Variants in GPSM1 observed in about 807,000 individuals in gnomAD.
GPSM1 encodes the protein G protein-signaling modulator 1.
A neutral mutation model predicts 70.5 loss-of-function variants in GPSM1; 48 were observed. The ratio of observed to expected loss-of-function variants is 0.68; its 90% CI spans 0.54 to 0.87. The LOEUF (loss-of-function observed/expected upper bound fraction) is 0.87. Among genes scored for constraint, GPSM1 ranks in the 40% least tolerant of loss-of-function variants. The pLI, the probability that GPSM1 is intolerant of heterozygous loss-of-function variation, is 0.00. For missense variants in GPSM1, 981 were observed against 972.6 expected, an observed-to-expected ratio of 1.01 and a Z score of -0.11; for synonymous variants, 416 against 430.1, an observed-to-expected ratio of 0.97 and a Z score of 0.41.
At chr9:136,349,482 C>T (rs1171537171) in intron 10 of GPSM1, 105 bp from the exon 11 acceptor site, 24 of 997,668 alleles carry the variant, frequency 2.4e-5, no homozygotes, top group Non-Finnish European at 3.1e-5. Flanking sequence ...GCACCTACGG[C>T]GTGCATCCAT....
In GPSM1 at chr9:136,342,407, G is replaced by T. The variant is rs1832413793; in HGVS notation, c.1207+1414G>T. On this transcript the variant is annotated intron_variant, in intron 9 of 13. Transcript: ENST00000440944. This position sits in a 1 kb window ranked among gnomAD's most constrained non-coding sequence, Gnocchi z 5.5. Reference sequence around the variant, plus strand: ...GGGGGGCCGGAGTGGGAGGACGCTGGAACAATGCAGCTTCTGTCCCTCTCT... The same window carrying T: ...GGGGGGCCGGAGTGGGAGGACGCTGTAACAATGCAGCTTCTGTCCCTCTCT... Among the ~76,000 whole-genome samples, 1 of 152,184 alleles carries T rather than the reference G, an allele frequency of 6.6e-6. No homozygotes were observed. The highest frequency in any genetic ancestry group is 2.4e-5 in the African/African-American group (1 of 41,464).
At chr9:136,339,013 C>T (rs1473551082) in intron 7 of GPSM1, among the ~76,000 whole-genome samples, 1 of 152,222 alleles carries the variant, frequency 6.6e-6, no homozygotes, top group East Asian at 1.9e-4. Context: ...AAACCACAGG[C>T]CCCTAAGTAC....
intron 1 of GPSM1, among the ~76,000 whole-genome samples, chr9:136,328,495 G>A (rs1366935788): frequency 6.6e-6 from 1 of 152,356 alleles, no homozygotes; most frequent in South Asian, 2.1e-4. Flanking sequence ...GTCAGAGGCA[G>A]GCCTGGCTCC....
chr9:136,329,952 G>A (rs1484858581), intron 1 of GPSM1, among the ~76,000 whole-genome samples: 1 of 151,336 alleles, frequency 6.6e-6, no homozygotes. Context: ...CGGTGGGGAC[G>A]GGCCCTTGGG....
At position 136,342,336 on chromosome 9, in the gene GPSM1, C is replaced by T. The variant is rs1832411793; in HGVS notation, c.1207+1343C>T. ...CTCTGGAAAGGCTCCGCGGAGGCTG[C>T]GGCTCTGGGTCCTCCCGACGTTTTC... On this transcript the variant is annotated intron_variant, in intron 9 of 13. Transcript: ENST00000440944. The surrounding 1 kb of genome is among the most constrained non-coding windows in gnomAD (Gnocchi z 5.5). Among the ~76,000 whole-genome samples the T allele has an allele frequency of 6.6e-6, 1 of 151,946 alleles. No individual in the cohort carries two copies. Among genetic ancestry groups the T allele is most frequent in the African/African-American group, 2.4e-5 (1 of 41,346 alleles).
In GPSM1 at chr9:136,356,405, A is replaced by G. The variant is rs1832825716; in HGVS notation, c.1676A>G (p.Gln559Arg). The change falls in exon 13 of 14, where the codon CAG (glutamine) becomes CGG (arginine). Residue 559 changes from glutamine to arginine, a missense_variant. Transcript: ENST00000440944. Reference protein sequence around the residue: ...EEFFDLIASSQSRRLDDQRAS... With the variant: ...EEFFDLIASSRSRRLDDQRAS... ...TTCTTCGACCTCATCGCCAGCTCCC[A>G]GAGCCGCCGGCTGGACGACCAGCGG... 1.9e-6 allele frequency: 3 copies of G among 1,609,982 alleles called. No homozygotes were observed. The highest frequency in any genetic ancestry group is 1.3e-5 in the African/African-American group (1 of 74,928).
Position 136,355,797 on chromosome 9 carries a change from G to GGCCGGGGCT in GPSM1, c.1568_1576dup (p.Gly523_Ala525dup), listed in dbSNP as rs1162251841. On this transcript the variant is annotated inframe_insertion, in exon 12 of 14. Coordinates refer to ENST00000440944, the MANE Select transcript of GPSM1 (RefSeq NM_001145638.3). ...AGCGTTGTCCCCTGGACGATGGCCA[G>GGCCGGGGCT]GCCGGGGCTGCCGAGGCCACGGCCG... 6.2e-7 allele frequency: 1 copy of GGCCGGGGCT among 1,612,114 alleles called. No homozygotes were observed. The highest frequency in any genetic ancestry group is 1.1e-5 in the South Asian group (1 of 91,066).
At chr9:136,350,589 T>C (rs909225593) in intron 11 of GPSM1, among the ~76,000 whole-genome samples, 2 of 152,156 alleles carry the variant, frequency 1.3e-5, no homozygotes, top group African/African-American at 4.8e-5. Flanking sequence ...GGCCTGTGCA[T>C]GGCTGCAGAG....
intron 7 of GPSM1, among the ~76,000 whole-genome samples, chr9:136,339,452 G>C (rs373314892): frequency 7.5e-4 from 114 of 152,410 alleles, no homozygotes; most frequent in African/African-American, 2.5e-3. Flanking sequence ...CAGGTTGCTT[G>C]GACTCTGCGC....
In GPSM1 at chr9:136,333,218, G is replaced by A. The variant is rs529748599; in HGVS notation, c.69-1229G>A. On this transcript the variant is annotated intron_variant, in intron 1 of 13. Coordinates refer to ENST00000440944, the MANE Select transcript of GPSM1 (RefSeq NM_001145638.3). ...CTTGCTGAGTCTTTTGTGGCTCTCC[G>A]GGGGCACCCTGCAGATGGGGGCCCG... Among the ~76,000 whole-genome samples, 71 of 152,274 alleles carry A rather than the reference G, an allele frequency of 4.7e-4. 1 individual carries two copies. The East Asian group carries it at 0.013, about 28-fold the overall frequency.
chr9:136,349,480 G>C, intron 10 of GPSM1, 107 bp from the exon 11 acceptor site: 1 of 984,772 alleles, frequency 1.0e-6, no homozygotes, highest in Non-Finnish European at 1.5e-6. Context: ...GGGCACCTAC[G>C]GCGTGCATCC....
chr9:136,332,412 C>T (rs908086213), intron 1 of GPSM1, among the ~76,000 whole-genome samples: 115 of 152,382 alleles, frequency 7.5e-4, no homozygotes, highest in African/African-American at 2.5e-3. Flanking sequence ...TCGGATGCCA[C>T]GTCTCCGGCT....
intron 11 of GPSM1, among the ~76,000 whole-genome samples, chr9:136,354,298 C>T (rs1284491996): frequency 1.3e-5 from 2 of 152,210 alleles, no homozygotes; most frequent in African/African-American, 2.4e-5. Flanking sequence ...TGCCCTGGGC[C>T]GAGTCCAGCA....
Position 136,340,980 on chromosome 9 carries a change from C to A in GPSM1, c.1194C>A (p.Gly398=). The A allele has an allele frequency of 6.4e-7, 1 of 1,566,038 alleles. No homozygotes were observed. Among genetic ancestry groups the A allele is most frequent in the Non-Finnish European group, 8.7e-7 (1 of 1,155,864 alleles). Residue 398 remains glycine, a synonymous_variant, in exon 9 of 14, where the codon GGC becomes GGA. Transcript: ENST00000440944. This position sits in a 1 kb window ranked among gnomAD's most constrained non-coding sequence, Gnocchi z 7.3. Reference sequence around the variant, plus strand: ...CCTCAGAGAAGCCTGACCTGGCCGGCTATGAGGCCCAGGGTGAGTTCCAGG... The same window carrying A: ...CCTCAGAGAAGCCTGACCTGGCCGGATATGAGGCCCAGGGTGAGTTCCAGG... The part of the protein sequence containing the change: ...PAASEKPDLA[G]YEAQGARPKR...
At chr9:136,332,028 G>A in intron 1 of GPSM1, 1 of 398,818 alleles carries the variant, frequency 2.5e-6, no homozygotes, top group Non-Finnish European at 4.4e-6. Flanking sequence ...TGCTGGGGAG[G>A]GCCCGCCTCT....
intron 1 of GPSM1, 43 bp downstream of exon 1, chr9:136,327,806 G>C (rs1554768102): frequency 6.1e-6 from 5 of 825,794 alleles, no homozygotes; most frequent in Admixed American, 4.7e-5. Context: ...GGCTGGGACC[G>C]GACCGGGCCG....
chr9:136,327,929 G>A (rs1554768123), intron 1 of GPSM1, among the ~76,000 whole-genome samples, 166 bp downstream of exon 1: 1 of 151,910 alleles, frequency 6.6e-6, no homozygotes, highest in African/African-American at 2.4e-5. Flanking sequence ...GCGTGTGCCC[G>A]CGTGGGCGTC....
Position 136,327,773 on chromosome 9 carries a change from GC to G in GPSM1, c.68+12del. On this transcript the variant is annotated intron_variant, in intron 1 of 13. Transcript: ENST00000440944. Reference sequence around the variant, plus strand: ...GGCGCCTCTACTCCAGGTAGGACGGGCCGGGGCCGGGGCCGGGGCCGGGGCT... The same window carrying G: ...GGCGCCTCTACTCCAGGTAGGACGGGCGGGGCCGGGGCCGGGGCCGGGGCT... 1.0e-6 allele frequency: 1 copy of G among 974,052 alleles called. No individual in the cohort carries two copies. Among genetic ancestry groups the G allele is most frequent in the Non-Finnish European group, 1.3e-6 (1 of 767,728 alleles). 60.3% of individuals were successfully genotyped at this position (974,052 alleles called of 1,614,324 possible).
intron 9 of GPSM1, among the ~76,000 whole-genome samples, chr9:136,347,585 T>A (rs1441907836): frequency 6.6e-6 from 1 of 152,192 alleles, no homozygotes; most frequent in African/African-American, 2.4e-5. Context: ...TCTGCTGCCC[T>A]TTCCACAGTG....
Sources: allele counts gnomAD v4.1 joint callset (sites outside exome capture counted in the v4.1 genomes callset), GRCh38; gene constraint gnomAD v4.1.1; non-coding constraint Gnocchi (gnomAD v3.1); transcripts MANE v1.5; gene names NCBI Gene and HGNC (gene_info 2026-07-23, HGNC 2026-07-21).